Variants in SPOPL observed in about 807,000 individuals in gnomAD.
SPOPL encodes speckle-type POZ protein-like.
In SPOPL, 23 loss-of-function variants were observed where a neutral mutation model predicts 53.8. The ratio of observed to expected loss-of-function variants is 0.43; its 90% CI spans 0.31 to 0.61. SPOPL has a LOEUF of 0.61. Ranked by LOEUF, SPOPL falls within the 20% of genes least tolerant of loss-of-function variation. SPOPL has a pLI of 0.12. For missense variants in SPOPL, 442 were observed against 466.9 expected (o/e 0.95, Z 0.49); for synonymous variants, 164 against 149.7 (o/e 1.10, Z -0.70).
chr2:138,569,095 A>G lies in SPOPL; in HGVS notation c.*15A>G. 2 of 1,607,474 alleles carry G rather than the reference A, an allele frequency of 1.2e-6. No homozygotes were observed. Among genetic ancestry groups the G allele is most frequent in the African/African-American group, 1.3e-5 (1 of 74,838 alleles). On this transcript the variant is annotated 3_prime_UTR_variant, in exon 11 of 11. Transcript: ENST00000280098. ...AACAGTCCTGAAATCTTCCATGAAC[A>G]GTTGAAAAATGGAATTGACTTTCAC...
intron 1 of SPOPL, among the ~76,000 whole-genome samples, chr2:138,539,863 T>C (rs950887065): frequency 2.6e-5 from 4 of 152,230 alleles, no homozygotes. Flanking sequence ...GGTTTTCTTC[T>C]AGGGTTTTTA....
Position 138,569,113 on chromosome 2 carries a change from A to G in SPOPL, c.*33A>G, listed in dbSNP as rs769780660. The stretch of plus-strand genomic sequence containing the variant: ...CATGAACAGTTGAAAAATGGAATTG[A>G]CTTTCACTCCTCCAGGTCCAGAAGG... On this transcript the variant is annotated 3_prime_UTR_variant, in exon 11 of 11. Transcript: ENST00000280098. 1.2e-6 allele frequency: 2 copies of G among 1,604,234 alleles called. No homozygotes were observed. The highest frequency in any genetic ancestry group is 3.4e-5 in the Admixed American group (2 of 59,014).
At chr2:138,509,296 G>T (rs1684278768) in intron 1 of SPOPL, among the ~76,000 whole-genome samples, 1 of 152,030 alleles carries the variant, frequency 6.6e-6, no homozygotes, top group Non-Finnish European at 1.5e-5. Flanking sequence ...AGATAAATAA[G>T]TAAAAATATT....
intron 8 of SPOPL, 166 bp from the exon 9 acceptor site, chr2:138,564,542 T>G: frequency 1.4e-6 from 1 of 700,842 alleles, no homozygotes; most frequent in South Asian, 3.4e-5. Flanking sequence ...CTAAGTGCAT[T>G]TGTTTATATT....
chr2:138,563,166 T>C (rs1373028001), intron 8 of SPOPL, among the ~76,000 whole-genome samples: 2 of 152,128 alleles, frequency 1.3e-5, no homozygotes, highest in African/African-American at 4.8e-5. Flanking sequence ...TTTTCTGAAA[T>C]AATGTCTGAA....
At chr2:138,538,215 T>G (rs1025453722) in intron 1 of SPOPL, among the ~76,000 whole-genome samples, 1 of 152,150 alleles carries the variant, frequency 6.6e-6, no homozygotes, top group African/African-American at 2.4e-5. Flanking sequence ...AAATGGCTGT[T>G]AGGTCTAGTT....
chr2:138,538,761 ATTATAC>A (rs1008740669), intron 1 of SPOPL, among the ~76,000 whole-genome samples: 1 of 142,356 alleles, frequency 7.0e-6, no homozygotes. Flanking sequence ...TTTTCTTTTT[ATTATAC>A]TTTAAGTTTT....
intron 1 of SPOPL, among the ~76,000 whole-genome samples, chr2:138,529,536 T>TGTGCGCGCG (rs72375808): frequency 3.4e-3 from 329 of 97,622 alleles, no homozygotes; most frequent in African/African-American, 8.2e-3. Flanking sequence ...GTGTGTGTGT[T>TGTGCGCGCG]TGCGTGCGCG....
chr2:138,514,329 G>A (rs752084666), intron 1 of SPOPL, among the ~76,000 whole-genome samples: 9 of 152,312 alleles, frequency 5.9e-5, no homozygotes, highest in Middle Eastern at 3.4e-3. Flanking sequence ...GAGGGCTTCC[G>A]TTTGAGTTTC....
chr2:138,542,209 C>A (rs1685087106), intron 1 of SPOPL, among the ~76,000 whole-genome samples: 1 of 152,212 alleles, frequency 6.6e-6, no homozygotes, highest in East Asian at 1.9e-4. Context: ...AATGTATGTT[C>A]TGTTGATTTG....
intron 1 of SPOPL, among the ~76,000 whole-genome samples, chr2:138,514,250 C>T (rs1684392261): frequency 6.6e-6 from 1 of 152,120 alleles, no homozygotes; most frequent in African/African-American, 2.4e-5. Context: ...AGACATGAGA[C>T]ATCAATCAAC....
At chr2:138,566,861 C>T (rs886796676) in intron 10 of SPOPL, among the ~76,000 whole-genome samples, 4 of 152,120 alleles carry the variant, frequency 2.6e-5, no homozygotes, top group Admixed American at 1.3e-4. Context: ...TGTACAAGCA[C>T]TTGACTAACC....
intron 1 of SPOPL, among the ~76,000 whole-genome samples, chr2:138,529,496 GCC>G (rs146159327): frequency 3.8e-5 from 4 of 104,034 alleles, no homozygotes; most frequent in African/African-American, 1.3e-4. Context: ...GTATGCATGT[GCC>G]TGTGTGTGTG....
intron 1 of SPOPL, among the ~76,000 whole-genome samples, chr2:138,535,482 C>T (rs1330609566): frequency 6.6e-6 from 1 of 150,640 alleles, no homozygotes. Flanking sequence ...CCAAGGATTC[C>T]AGTTTCTCTA....
rs553523123 is a variant in SPOPL, at chr2:138,569,874, C to G, written c.*794C>G. 1 of 152,362 alleles carries G rather than the reference C, an allele frequency of 6.6e-6. No homozygotes were observed. Among genetic ancestry groups the G allele is most frequent in the African/African-American group, 2.4e-5 (1 of 41,360 alleles). The allele number at this position is 152,362 out of a possible 1,614,324, so 9.4% of individuals were successfully genotyped here. On this transcript the variant is annotated 3_prime_UTR_variant, in exon 11 of 11. Transcript: ENST00000280098. ...CTGTACATGTTAAAAGTAAGGATGA[C>G]CAAATGCAAATTTAATGAGTGGGCC...
intron 8 of SPOPL, 145 bp from the exon 9 acceptor site, chr2:138,564,563 T>G (rs552887687): frequency 2.2e-6 from 2 of 898,128 alleles, no homozygotes; most frequent in African/African-American, 3.4e-5. Flanking sequence ...TACTTCGTAT[T>G]AGGTTAAAAC....
intron 1 of SPOPL, among the ~76,000 whole-genome samples, chr2:138,531,152 GTAAT>G (rs1558868276): frequency 6.6e-6 from 1 of 151,612 alleles, no homozygotes; most frequent in Non-Finnish European, 1.5e-5. Context: ...ATGTATAAAT[GTAAT>G]TATAAATAAT....
intron 1 of SPOPL, among the ~76,000 whole-genome samples, chr2:138,530,367 G>T (rs1573882351): frequency 6.6e-6 from 1 of 152,108 alleles, no homozygotes; most frequent in African/African-American, 2.4e-5. Context: ...TTGCTGGGTC[G>T]AATGGTAGTT....
rs758219097 is a variant in SPOPL, at chr2:138,564,825, G to A, written c.955G>A (p.Ala319Thr). 2.5e-6 allele frequency: 4 copies of A among 1,614,176 alleles called. No homozygotes were observed. In the South Asian group the frequency reaches 3.3e-5, roughly 13 times the overall value. The change falls in exon 9 of 11, where the codon GCA (alanine) becomes ACA (threonine). Residue 319 changes from alanine to threonine, a missense_variant. Ala to Thr is a moderately conservative substitution (Grantham distance 58). Coordinates refer to ENST00000280098, the MANE Select transcript of SPOPL (RefSeq NM_001001664.3). ...ADLHSAEQLK[A>T]QAIDFINRCS... ...TTTGCACAGTGCAGAACAGTTGAAA[G>A]CACAAGCCATAGACTTTATTAATAG... is the stretch of plus-strand genomic sequence containing the variant.
Sources: allele counts gnomAD v4.1 joint callset (sites outside exome capture counted in the v4.1 genomes callset), GRCh38; gene constraint gnomAD v4.1.1; transcripts MANE v1.5; gene names NCBI Gene and HGNC (gene_info 2026-07-23, HGNC 2026-07-21).